Variants in GPR12 observed in about 807,000 individuals in gnomAD.
GPR12 encodes the protein G protein-coupled receptor 12.
Under a neutral mutation model 18.9 loss-of-function variants are expected in GPR12, and 7 were observed. The observed-to-expected ratio is 0.37, with a 90% CI of 0.21 to 0.70. The LOEUF is 0.70. GPR12 is among the 30% of genes least tolerant of loss of function. The pLI, the probability that GPR12 is intolerant of heterozygous loss-of-function variation, is 0.54. For synonymous variants in GPR12, 201 were observed against 188.6 expected, an observed-to-expected ratio of 1.07 and a Z score of -0.54; for missense variants, 327 against 427.7, an observed-to-expected ratio of 0.76 and a Z score of 2.08.
Position 26,756,014 on chromosome 13 carries a change from C to A in GPR12, c.*2809G>T, listed in dbSNP as rs1884367366. The A allele has an allele frequency of 6.6e-6, 1 of 152,012 alleles. No individual in the cohort carries two copies. The highest frequency in any genetic ancestry group is 2.4e-5 in the African/African-American group (1 of 41,388). The allele number at this position is 152,012 out of a possible 1,614,324, so 9.4% of individuals were successfully genotyped here. ...GTGCACATTTAAAAATAATTAGCTC[C>A]ACAGGAAAAAAGAAACCTTGTAGAA... On this transcript the variant is annotated 3_prime_UTR_variant, in exon 2 of 2. Coordinates refer to ENST00000405846, the MANE Select transcript of GPR12 (RefSeq NM_005288.4).
At position 26,756,027 on chromosome 13, in the gene GPR12, A is replaced by G. The variant is rs914519468; in HGVS notation, c.*2796T>C. ...AATAATTAGCTCCACAGGAAAAAAG[A>G]AACCTTGTAGAAAACCACATAAATA... On this transcript the variant is annotated 3_prime_UTR_variant, in exon 2 of 2. Coordinates refer to ENST00000405846, the MANE Select transcript of GPR12 (RefSeq NM_005288.4). The G allele has an allele frequency of 8.5e-5, 13 of 152,228 alleles. No homozygotes were observed. The highest frequency in any genetic ancestry group is 2.9e-4 in the African/African-American group (12 of 41,452). 9.4% of individuals were successfully genotyped at this position (152,228 alleles called of 1,614,324 possible).
At position 26,759,629 on chromosome 13, in the gene GPR12, G is replaced by A; in HGVS notation, c.199C>T (p.Leu67Phe). Residue 67 changes from leucine (L) to phenylalanine (F), a missense_variant, in exon 2 of 2, where the codon CTT (leucine) becomes TTT (phenylalanine). Transcript: ENST00000405846. ...AGGCTGGGGTTGTGGAAGATGATAAGGACCACAATGGCATTTTCACAGGAG... is the reference window on the plus strand; with the variant it reads ...AGGCTGGGGTTGTGGAAGATGATAAAGACCACAATGGCATTTTCACAGGAG... ...LISCENAIVVLIIFHNPSLRA... is the reference protein window; with the variant it reads ...LISCENAIVVFIIFHNPSLRA... 1 of 1,614,062 alleles carries A rather than the reference G, an allele frequency of 6.2e-7. No individual in the cohort carries two copies. Among genetic ancestry groups the A allele is most frequent in the Non-Finnish European group, 8.5e-7 (1 of 1,179,978 alleles).
At chr13:26,760,223 AC>A (rs1884456627) in intron 1 of GPR12, 1 of 175,554 alleles carries the variant, frequency 5.7e-6, no homozygotes, top group African/African-American at 2.4e-5. Flanking sequence ...CGAGAAAACC[AC>A]GCGGCAGCGG....
chr13:26,759,239 T>A lies in GPR12; in HGVS notation c.589A>T (p.Asn197Tyr), dbSNP rs1011378257. Residue 197 changes from asparagine (N) to tyrosine (Y), a missense_variant, in exon 2 of 2, where the codon AAC becomes TAC. Coordinates refer to ENST00000405846, the MANE Select transcript of GPR12 (RefSeq NM_005288.4). ...GACACCGAGAGGATGGCCGCGTTGT[T>A]CTTGGTGAGCGGTCTGACCACGCTG... Reference protein sequence around the residue: ...TCSVVRPLTKNNAAILSVSFL... With the variant: ...TCSVVRPLTKYNAAILSVSFL... 3 of 1,610,678 alleles carry A rather than the reference T, an allele frequency of 1.9e-6. No homozygotes were observed. Among genetic ancestry groups the A allele is most frequent in the Non-Finnish European group, 2.5e-6 (3 of 1,179,502 alleles).
In GPR12 at chr13:26,759,550, G is replaced by A; in HGVS notation, c.278C>T (p.Ala93Val). 1 of 1,614,220 alleles carries A rather than the reference G, an allele frequency of 6.2e-7. No homozygotes were observed. The highest frequency in any genetic ancestry group is 8.5e-7 in the Non-Finnish European group (1 of 1,180,048). The change falls in exon 2 of 2, where the codon GCC becomes GTC. Residue 93 changes from alanine (A) to valine (V), a missense_variant. Transcript: ENST00000405846. Reference sequence around the variant, plus strand: ...AAAATTGGTGATGAGTCCAATGCCGGCCAGCAGGTCTGCAAGAGCCAGGCT... The same window carrying A: ...AAAATTGGTGATGAGTCCAATGCCGACCAGCAGGTCTGCAAGAGCCAGGCT... Reference protein sequence around the residue: ...IGSLALADLLAGIGLITNFVF... With the variant: ...IGSLALADLLVGIGLITNFVF...
Position 26,758,691 on chromosome 13 carries a change from G to T in GPR12, c.*132C>A. 1 of 1,303,044 alleles carries T rather than the reference G, an allele frequency of 7.7e-7. No homozygotes were observed. Among genetic ancestry groups the T allele is most frequent in the Non-Finnish European group, 1.0e-6 (1 of 971,398 alleles). 80.7% of individuals were successfully genotyped at this position (1,303,044 alleles called of 1,614,324 possible). Reference sequence around the variant, plus strand: ...CTTAACTCATCTGAACGATGTCATTGTTTCACGAATGCTAAGTGCTCCTGT... The same window carrying T: ...CTTAACTCATCTGAACGATGTCATTTTTTCACGAATGCTAAGTGCTCCTGT... On this transcript the variant is annotated 3_prime_UTR_variant, in exon 2 of 2. Coordinates refer to ENST00000405846, the MANE Select transcript of GPR12 (RefSeq NM_005288.4).
Position 26,760,676 on chromosome 13 carries a change from G to A in GPR12, c.-113C>T, listed in dbSNP as rs1462996920. 4.6e-5 allele frequency: 7 copies of A among 151,126 alleles called. No homozygotes were observed. The highest frequency in any genetic ancestry group is 4.4e-5 in the Non-Finnish European group (3 of 67,694). 9.4% of individuals were successfully genotyped at this position (151,126 alleles called of 1,614,324 possible). A position where few individuals can be genotyped will look rare whatever the true frequency, so the allele number is the denominator to read the frequency against. ...CGCAGTTGCCCGCTGTGGCAAGGGG[G>A]GGGCGGCCGGGCTCCGGAGCGGGCC... On this transcript the variant is annotated 5_prime_UTR_variant, in exon 1 of 2. Coordinates refer to ENST00000405846, the MANE Select transcript of GPR12 (RefSeq NM_005288.4).
chr13:26,757,263 A>G lies in GPR12; in HGVS notation c.*1560T>C, dbSNP rs1480434135. On this transcript the variant is annotated 3_prime_UTR_variant, in exon 2 of 2. Coordinates refer to ENST00000405846, the MANE Select transcript of GPR12 (RefSeq NM_005288.4). ...CACCCTGGGCATCACATCTGGGACA[A>G]ACCGATGAGGTTAATTTATTACAAA... is the stretch of plus-strand genomic sequence containing the variant. 1 of 152,220 alleles carries G rather than the reference A, an allele frequency of 6.6e-6. No homozygotes were observed. The highest frequency in any genetic ancestry group is 6.5e-5 in the Admixed American group (1 of 15,278). The allele number at this position is 152,220 out of a possible 1,614,324, so 9.4% of individuals were successfully genotyped here. A position where few individuals can be genotyped will look rare whatever the true frequency, so the allele number is the denominator to read the frequency against.
In GPR12 at chr13:26,758,546, T is replaced by C; in HGVS notation, c.*277A>G. 2.6e-6 allele frequency: 1 copy of C among 391,786 alleles called. No individual in the cohort carries two copies. The highest frequency in any genetic ancestry group is 6.2e-5 in the South Asian group (1 of 16,056). 24.3% of individuals were successfully genotyped at this position (391,786 alleles called of 1,614,324 possible). ...TTCCTTTCCTACCCCCAGTCAGCCC[T>C]CCAAACAAAGTATAAAAGGAAACCC... On this transcript the variant is annotated 3_prime_UTR_variant, in exon 2 of 2. Coordinates refer to ENST00000405846, the MANE Select transcript of GPR12 (RefSeq NM_005288.4).
Position 26,757,711 on chromosome 13 carries a change from T to C in GPR12, c.*1112A>G, listed in dbSNP as rs2137577552. The stretch of plus-strand genomic sequence containing the variant: ...GCTGTGCACTGACAAACAAACCTAA[T>C]CATTAAAATAGGGGACTGCCTGTTT... On this transcript the variant is annotated 3_prime_UTR_variant, in exon 2 of 2. Coordinates refer to ENST00000405846, the MANE Select transcript of GPR12 (RefSeq NM_005288.4). 1 of 152,314 alleles carries C rather than the reference T, an allele frequency of 6.6e-6. No homozygotes were observed. The highest frequency in any genetic ancestry group is 1.5e-5 in the Non-Finnish European group (1 of 68,026). 9.4% of individuals were successfully genotyped at this position (152,314 alleles called of 1,614,324 possible).
At position 26,759,570 on chromosome 13, in the gene GPR12, C is replaced by T. The variant is rs751844038; in HGVS notation, c.258G>A (p.Leu86=). The change falls in exon 2 of 2, where the codon CTG becomes CTA. Residue 86 remains leucine (L), a synonymous_variant. Transcript: ENST00000405846. The part of the protein sequence containing the change: ...RAPMFLLIGS[L]ALADLLAGIG... ...TGCCGGCCAGCAGGTCTGCAAGAGC[C>T]AGGCTGCCTATTAGCAGGAACATGG... 1 of 1,614,170 alleles carries T rather than the reference C, an allele frequency of 6.2e-7. No homozygotes were observed. The highest frequency in any genetic ancestry group is 8.5e-7 in the Non-Finnish European group (1 of 1,180,040).
Position 26,759,756 on chromosome 13 carries a change from G to A in GPR12, c.72C>T (p.Asn24=). Residue 24 remains asparagine, a synonymous_variant, in exon 2 of 2, where the codon AAC becomes AAT. Coordinates refer to ENST00000405846, the MANE Select transcript of GPR12 (RefSeq NM_005288.4). ...CCCGGGAGGAGACAGCAGCCGAGATGTTCTCCGCAGCAGCGGCATCTAAAT... is the reference window on the plus strand; with the variant it reads ...CCCGGGAGGAGACAGCAGCCGAGATATTCTCCGCAGCAGCGGCATCTAAAT... ...RDYLDAAAAE[N]ISAAVSSRVP... 6.2e-7 allele frequency: 1 copy of A among 1,611,988 alleles called. No individual in the cohort carries two copies. Among genetic ancestry groups the A allele is most frequent in the Non-Finnish European group, 8.5e-7 (1 of 1,178,292 alleles).
Position 26,756,847 on chromosome 13 carries a change from T to TA in GPR12, c.*1975dup, listed in dbSNP as rs1174446342. 6.6e-6 allele frequency: 1 copy of TA among 152,196 alleles called. No individual in the cohort carries two copies. Among genetic ancestry groups the TA allele is most frequent in the Non-Finnish European group, 1.5e-5 (1 of 68,040 alleles). 9.4% of individuals were successfully genotyped at this position (152,196 alleles called of 1,614,324 possible). ...TATGCAAATGGAGCCACTATTTTTATAAAATCATCATTTATTCCTTTAAAA... is the reference window on the plus strand; with the variant it reads ...TATGCAAATGGAGCCACTATTTTTATAAAAATCATCATTTATTCCTTTAAAA... On this transcript the variant is annotated 3_prime_UTR_variant, in exon 2 of 2. Coordinates refer to ENST00000405846, the MANE Select transcript of GPR12 (RefSeq NM_005288.4).
chr13:26,759,978 T>G (rs1884452782), intron 1 of GPR12, 136 bp from the exon 2 acceptor site: 1 of 1,338,488 alleles, frequency 7.5e-7, no homozygotes, highest in African/African-American at 1.5e-5. Context: ...GCTTCGGGAA[T>G]GAGGAACTGT....
chr13:26,755,412 T>C lies in GPR12; in HGVS notation c.*3411A>G, dbSNP rs1286546488. ...TTTTAATAATGGATTAAGCATTTTT[T>C]TTAAAAAGCCGAAGAAGTCTCCATG... On this transcript the variant is annotated 3_prime_UTR_variant, in exon 2 of 2. Transcript: ENST00000405846. 6.6e-6 allele frequency: 1 copy of C among 152,200 alleles called. No individual in the cohort carries two copies. Among genetic ancestry groups the C allele is most frequent in the Non-Finnish European group, 1.5e-5 (1 of 68,024 alleles). 9.4% of individuals were successfully genotyped at this position (152,200 alleles called of 1,614,324 possible).
In GPR12 at chr13:26,760,657, T is replaced by A; in HGVS notation, c.-94A>T. 6.7e-6 allele frequency: 1 copy of A among 148,980 alleles called. No individual in the cohort carries two copies. Among genetic ancestry groups the A allele is most frequent in the Non-Finnish European group, 1.5e-5 (1 of 67,118 alleles). The allele number at this position is 148,980 out of a possible 1,614,324, so 9.2% of individuals were successfully genotyped here. A position where few individuals can be genotyped will look rare whatever the true frequency, so the allele number is the denominator to read the frequency against. On this transcript the variant is annotated 5_prime_UTR_variant, in exon 1 of 2. Transcript: ENST00000405846. ...TACTCGTGTCGCATGTCGGCGCAGT[T>A]GCCCGCTGTGGCAAGGGGGGGGCGG... is the stretch of plus-strand genomic sequence containing the variant.
In GPR12 at chr13:26,758,684, T is replaced by C. The variant is rs759172517; in HGVS notation, c.*139A>G. ...TCAATCACTTAACTCATCTGAACGA[T>C]GTCATTGTTTCACGAATGCTAAGTG... On this transcript the variant is annotated 3_prime_UTR_variant, in exon 2 of 2. Transcript: ENST00000405846. 3.1e-5 allele frequency: 39 copies of C among 1,246,266 alleles called. No individual in the cohort carries two copies. Among genetic ancestry groups the C allele is most frequent in the Non-Finnish European group, 3.8e-5 (35 of 921,614 alleles). 77.2% of individuals were successfully genotyped at this position (1,246,266 alleles called of 1,614,324 possible).
rs1343304181 is a variant in GPR12 at position 26,759,232 on chromosome 13, G to A, written c.596C>T (p.Ala199Val). The A allele has an allele frequency of 3.7e-6, 6 of 1,612,736 alleles. No individual in the cohort carries two copies. In the African/African-American group the frequency reaches 4.0e-5, roughly 11 times the overall value. Reference protein sequence around the residue: ...SVVRPLTKNNAAILSVSFLFM... With the variant: ...SVVRPLTKNNVAILSVSFLFM... ...GAGGAAGGACACCGAGAGGATGGCC[G>A]CGTTGTTCTTGGTGAGCGGTCTGAC... Residue 199 changes from alanine to valine, a missense_variant, in exon 2 of 2, where the codon GCG becomes GTG. Ala to Val is a moderately conservative substitution (Grantham distance 64, BLOSUM62 0). Coordinates refer to ENST00000405846, the MANE Select transcript of GPR12 (RefSeq NM_005288.4).
rs1884422581 is a variant in GPR12, at chr13:26,758,813, T to C, written c.*10A>G. The C allele has an allele frequency of 1.3e-6, 2 of 1,590,372 alleles. No individual in the cohort carries two copies. Among genetic ancestry groups the C allele is most frequent in the Admixed American group, 3.4e-5 (2 of 59,098 alleles). On this transcript the variant is annotated 3_prime_UTR_variant, in exon 2 of 2. Coordinates refer to ENST00000405846, the MANE Select transcript of GPR12 (RefSeq NM_005288.4). ...TTGGTAAATGCAGAGTCCTCCTGGG[T>C]GCAAGGGTGCTACACATCACTGGGC...
Sources: allele counts gnomAD v4.1 joint callset, GRCh38; gene constraint gnomAD v4.1.1; transcripts MANE v1.5; gene names NCBI Gene and HGNC (gene_info 2026-07-23, HGNC 2026-07-21).